Variants in ELOVL5 observed in about 807,000 individuals in gnomAD.
ELOVL5 encodes the protein ELOVL fatty acid elongase 5.
ELOVL5 carries 8 observed loss-of-function variants against 38.6 expected under a neutral mutation model. The ratio of observed to expected loss-of-function variants is 0.21; its 90% CI spans 0.12 to 0.37. The LOEUF is 0.37. ELOVL5 is among the 10% of genes least tolerant of loss of function. The pLI is 1.00. For synonymous variants in ELOVL5, 127 were observed against 133.7 expected (o/e 0.95, Z 0.34); for missense variants, 280 against 367.8 (o/e 0.76, Z 1.95).
At chr6:53,336,965 C>G (rs952863355) in intron 1 of ELOVL5, 3 of 152,170 alleles carry the variant, frequency 2.0e-5, no homozygotes, top group African/African-American at 4.8e-5. Context: ...GTAGTGAGCA[C>G]AGGCACCAGG....
intron 1 of ELOVL5, among the ~76,000 whole-genome samples, chr6:53,312,880 C>A (rs209489): frequency 0.92 from 140,163 of 152,274 alleles, 64,837 homozygotes; most frequent in African/African-American, 0.98. Context: ...TTTATGTTGG[C>A]AAGGAATAGT....
intron 3 of ELOVL5, among the ~76,000 whole-genome samples, chr6:53,288,930 G>A (rs1196775912): frequency 1.3e-5 from 2 of 152,138 alleles, no homozygotes; most frequent in African/African-American, 2.4e-5. Flanking sequence ...GCTAGACGTG[G>A]TGGCATGCTC....
At chr6:53,335,320 T>C (rs73740717) in intron 1 of ELOVL5, among the ~76,000 whole-genome samples, 43 of 152,174 alleles carry the variant, frequency 2.8e-4, no homozygotes, top group Non-Finnish European at 5.4e-4. Flanking sequence ...CCAGGGCCCA[T>C]GTGATCAGAA....
chr6:53,291,469 C>T (rs966237705), intron 3 of ELOVL5, among the ~76,000 whole-genome samples: 3 of 152,086 alleles, frequency 2.0e-5, no homozygotes, highest in Non-Finnish European at 4.4e-5. Flanking sequence ...GTTCATTTTC[C>T]ACTCTGTATT....
At chr6:53,278,968 A>T (rs1437542561) in intron 3 of ELOVL5, among the ~76,000 whole-genome samples, 1 of 152,094 alleles carries the variant, frequency 6.6e-6, no homozygotes, top group Non-Finnish European at 1.5e-5. Context: ...CTTCTCCCCT[A>T]CGTGCACACA....
At chr6:53,275,515 T>A (rs183787547) in intron 4 of ELOVL5, among the ~76,000 whole-genome samples, 26 of 152,266 alleles carry the variant, frequency 1.7e-4, no homozygotes, top group Admixed American at 9.8e-4. Context: ...AAAGGGTCCC[T>A]GACACTCTTT....
intron 3 of ELOVL5, among the ~76,000 whole-genome samples, chr6:53,286,024 GACTT>G (rs1478043158): frequency 6.6e-6 from 1 of 152,106 alleles, no homozygotes; most frequent in Non-Finnish European, 1.5e-5. Flanking sequence ...AAAATGGTAT[GACTT>G]ACTTTATTGC....
chr6:53,271,939 G>GTGGTATAAA (rs1232486271), intron 6 of ELOVL5, among the ~76,000 whole-genome samples: 3 of 152,190 alleles, frequency 2.0e-5, no homozygotes, highest in Non-Finnish European at 2.9e-5. Context: ...ACCCAAAACT[G>GTGGTATAAA]TGGTATAAAT....
chr6:53,269,003 T>C lies in ELOVL5; in HGVS notation c.*124A>G. On this transcript the variant is annotated 3_prime_UTR_variant, in exon 8 of 8. Coordinates refer to ENST00000304434, the MANE Select transcript of ELOVL5 (RefSeq NM_021814.5). ...AGGGGTTTTGAATTGATGAAAGAAG[T>C]CCTACATGAATCACACTATTGTAGG... is the stretch of plus-strand genomic sequence containing the variant. 1 of 1,093,218 alleles carries C rather than the reference T, an allele frequency of 9.1e-7. No homozygotes were observed. Among genetic ancestry groups the C allele is most frequent in the Non-Finnish European group, 1.3e-6 (1 of 755,460 alleles). The allele number at this position is 1,093,218 out of a possible 1,614,324, so 67.7% of individuals were successfully genotyped here.
In ELOVL5 at chr6:53,302,001, T is replaced by C. The variant is rs559892173; in HGVS notation, c.-8-6294A>G. 1.4e-4 allele frequency among the ~76,000 whole-genome samples: 21 copies of C among 152,288 alleles called. No homozygotes were observed. In the South Asian group the frequency reaches 3.1e-3, roughly 23 times the overall value. On this transcript the variant is annotated intron_variant, in intron 1 of 7. Coordinates refer to ENST00000304434, the MANE Select transcript of ELOVL5 (RefSeq NM_021814.5). Reference sequence around the variant, plus strand: ...TTCGTCTGACTCACCCCCACCACCATGGATCAGTTCTGCGCTCCTGGCTAG... The same window carrying C: ...TTCGTCTGACTCACCCCCACCACCACGGATCAGTTCTGCGCTCCTGGCTAG...
chr6:53,329,992 C>T (rs1768716299), intron 1 of ELOVL5, among the ~76,000 whole-genome samples: 1 of 152,160 alleles, frequency 6.6e-6, no homozygotes, highest in African/African-American at 2.4e-5. Context: ...AACCCAAATA[C>T]ACTTTAAAAA....
intron 1 of ELOVL5, among the ~76,000 whole-genome samples, chr6:53,313,901 G>C (rs1767936529): frequency 6.6e-6 from 1 of 152,158 alleles, no homozygotes; most frequent in African/African-American, 2.4e-5. Flanking sequence ...TGGGCTTTTT[G>C]CTGCCTGCCA....
In ELOVL5 at chr6:53,269,022, T is replaced by C; in HGVS notation, c.*105A>G. ...AAGAAGTCCTACATGAATCACACTA[T>C]TGTAGGCCAGACTAGTTACAGCAGC... On this transcript the variant is annotated 3_prime_UTR_variant, in exon 8 of 8. Coordinates refer to ENST00000304434, the MANE Select transcript of ELOVL5 (RefSeq NM_021814.5). 1.5e-6 allele frequency: 2 copies of C among 1,335,626 alleles called. No individual in the cohort carries two copies. The highest frequency in any genetic ancestry group is 1.4e-5 in the South Asian group (1 of 72,316). 82.7% of individuals were successfully genotyped at this position (1,335,626 alleles called of 1,614,324 possible).
intron 3 of ELOVL5, among the ~76,000 whole-genome samples, chr6:53,277,982 A>G (rs536230005): frequency 2.6e-5 from 4 of 152,356 alleles, no homozygotes; most frequent in Admixed American, 6.5e-5. Context: ...CGAATAAGAA[A>G]AATAAGGACA....
chr6:53,293,980 T>C lies in ELOVL5; in HGVS notation c.58+1662A>G, dbSNP rs917813311. 3.8e-5 allele frequency: 25 copies of C among 660,538 alleles called. No individual in the cohort carries two copies. In the African/African-American group the frequency reaches 4.4e-4, roughly 12 times the overall value. The allele number at this position is 660,538 out of a possible 1,614,324, so 40.9% of individuals were successfully genotyped here. A position where few individuals can be genotyped will look rare whatever the true frequency, so the allele number is the denominator to read the frequency against. On this transcript the variant is annotated intron_variant, in intron 2 of 7. Coordinates refer to ENST00000304434, the MANE Select transcript of ELOVL5 (RefSeq NM_021814.5). ...CACCTTTTGTTCTCAGCTTTGGGCCTTGGCTGTCAATTTTAAGAAAACCAG... is the reference window on the plus strand; with the variant it reads ...CACCTTTTGTTCTCAGCTTTGGGCCCTGGCTGTCAATTTTAAGAAAACCAG...
At chr6:53,320,628 C>T (rs1284945232) in intron 1 of ELOVL5, among the ~76,000 whole-genome samples, 1 of 151,912 alleles carries the variant, frequency 6.6e-6, no homozygotes, top group Non-Finnish European at 1.5e-5. Context: ...CGGCCAAAAC[C>T]CCACATTTCT....
intron 3 of ELOVL5, among the ~76,000 whole-genome samples, chr6:53,286,761 G>A (rs1766585520): frequency 6.6e-6 from 1 of 151,874 alleles, no homozygotes; most frequent in African/African-American, 2.4e-5. Flanking sequence ...AAAATATACT[G>A]ACTGAAAAAA....
chr6:53,336,377 A>T (rs1224466400), intron 1 of ELOVL5, among the ~76,000 whole-genome samples: 1 of 152,210 alleles, frequency 6.6e-6, no homozygotes, highest in East Asian at 1.9e-4. Context: ...TAAGAGGGCC[A>T]GGCCAGGCAC....
chr6:53,300,219 G>C (rs961836288), intron 1 of ELOVL5, among the ~76,000 whole-genome samples: 3 of 152,098 alleles, frequency 2.0e-5, no homozygotes, highest in Non-Finnish European at 2.9e-5. Context: ...AGGTTACTAA[G>C]AGACACCTTC....
Sources: allele counts gnomAD v4.1 joint callset (sites outside exome capture counted in the v4.1 genomes callset), GRCh38; gene constraint gnomAD v4.1.1; transcripts MANE v1.5; gene names NCBI Gene and HGNC (gene_info 2026-07-23, HGNC 2026-07-21).